Variants in RERE observed in about 807,000 individuals in gnomAD.
RERE encodes arginine-glutamic acid dipeptide repeats protein.
Under a neutral mutation model 146.1 loss-of-function variants are expected in RERE, and 40 were observed. The ratio of observed to expected loss-of-function variants is 0.27; its 90% CI spans 0.21 to 0.36. The LOEUF (loss-of-function observed/expected upper bound fraction) is 0.36, where lower values mean the gene tolerates loss of function less well. Ranked by LOEUF, RERE falls within the 10% of genes least tolerant of loss-of-function variation. RERE has a pLI of 1.00. For synonymous variants in RERE, 1,003 were observed against 866.0 expected (o/e 1.16, Z -2.78); for missense variants, 1,933 against 2,138.7 (o/e 0.90, Z 1.90).
intron 10 of RERE, among the ~76,000 whole-genome samples, chr1:8,494,351 G>C (rs1645015957): frequency 6.6e-6 from 1 of 152,182 alleles, no homozygotes; most frequent in Non-Finnish European, 1.5e-5. Flanking sequence ...ACGGCTTCTA[G>C]ATTCCAATCT....
At chr1:8,428,539 C>T (rs903124120) in intron 11 of RERE, 2 of 152,168 alleles carry the variant, frequency 1.3e-5, no homozygotes, top group Admixed American at 1.3e-4. Context: ...TCAAAAGTTA[C>T]CTACCTACAA....
At chr1:8,362,983 G>A in intron 15 of RERE, 139 bp from the exon 16 acceptor site, 1 of 888,982 alleles carries the variant, frequency 1.1e-6, no homozygotes, top group Non-Finnish European at 1.7e-6. Context: ...CAAACAACAG[G>A]CCGCCCTGCC....
rs1644505483 is a variant in RERE, at chr1:8,460,024, C to T, written c.1203+5901G>A. ...AAATCCACGTAACCATAACTACAAG[C>T]TCTGAGAGCCTCTCTCCCTCTTTGT... On this transcript the variant is annotated intron_variant, in intron 11 of 22. Transcript: ENST00000400908. Among the ~76,000 whole-genome samples, 7 of 152,278 alleles carry T rather than the reference C, an allele frequency of 4.6e-5. No individual in the cohort carries two copies. The South Asian group carries it at 1.5e-3, about 32-fold the overall frequency.
At chr1:8,457,773 G>T (rs531881711) in intron 11 of RERE, among the ~76,000 whole-genome samples, 5 of 152,010 alleles carry the variant, frequency 3.3e-5, no homozygotes, top group African/African-American at 9.7e-5. Context: ...GCTAATTTTT[G>T]TATTTTTAGT....
intron 10 of RERE, among the ~76,000 whole-genome samples, chr1:8,490,714 G>A (rs367983461): frequency 1.3e-5 from 2 of 149,896 alleles, no homozygotes; most frequent in Non-Finnish European, 2.9e-5. Flanking sequence ...AACATTCCGC[G>A]AAATGCAAAC....
chr1:8,422,849 A>T, intron 11 of RERE, 42 bp from the exon 12 acceptor site: 5 of 1,410,054 alleles, frequency 3.5e-6, no homozygotes, highest in Non-Finnish European at 5.0e-6. Flanking sequence ...AACCAAAAAC[A>T]AAACAGGATG....
chr1:8,646,002 A>C (rs1296800719), intron 2 of RERE, among the ~76,000 whole-genome samples: 1 of 152,246 alleles, frequency 6.6e-6, no homozygotes, highest in Non-Finnish European at 1.5e-5. Context: ...AATAAGAACT[A>C]CATTTTCCCA....
intron 22 of RERE, 55 bp from the exon 23 acceptor site, chr1:8,355,175 C>T (rs1889854): frequency 0.21 from 334,577 of 1,591,776 alleles, 37,198 homozygotes; most frequent in Middle Eastern, 0.3. Flanking sequence ...CAGGCAGTCA[C>T]GCAGGCTGGA....
At chr1:8,456,044 A>G (rs771846520) in intron 11 of RERE, among the ~76,000 whole-genome samples, 12 of 152,234 alleles carry the variant, frequency 7.9e-5, no homozygotes, top group Non-Finnish European at 1.6e-4. Context: ...CCAGACATTA[A>G]GAATAATCAC....
chr1:8,363,931 G>A (rs766335073), intron 15 of RERE, 125 bp downstream of exon 15: 2 of 859,440 alleles, frequency 2.3e-6, no homozygotes, highest in Non-Finnish European at 3.6e-6. Context: ...GGGCAAAGCA[G>A]CTCCCCTCCA....
intron 8 of RERE, among the ~76,000 whole-genome samples, chr1:8,503,087 A>AAAAT (rs199506860): frequency 0.14 from 20,574 of 144,488 alleles, 1,568 homozygotes; most frequent in East Asian, 0.26. Context: ...TGATCAATTA[A>AAAAT]AAATAAATAA....
At chr1:8,372,696 C>T (rs904075977) in intron 12 of RERE, among the ~76,000 whole-genome samples, 6 of 152,358 alleles carry the variant, frequency 3.9e-5, no homozygotes, top group Non-Finnish European at 7.3e-5. Flanking sequence ...GCTGGCCTTA[C>T]GGCTATGTTA....
At chr1:8,721,379 T>C (rs1489714099) in intron 1 of RERE, among the ~76,000 whole-genome samples, 1 of 152,150 alleles carries the variant, frequency 6.6e-6, no homozygotes, top group African/African-American at 2.4e-5. Context: ...TGGCCCAACC[T>C]CGGCTCACTG....
intron 12 of RERE, among the ~76,000 whole-genome samples, chr1:8,417,908 A>T (rs1244074869): frequency 1.3e-5 from 2 of 152,114 alleles, no homozygotes; most frequent in East Asian, 1.9e-4. Context: ...CTATGGCTGG[A>T]AAGTTGCTTT....
At chr1:8,559,280 CAAAAAAAA>C (rs548075266) in intron 4 of RERE, among the ~76,000 whole-genome samples, 36 of 12,076 alleles carry the variant, frequency 3.0e-3, no homozygotes, top group Admixed American at 0.014. Context: ...AACTCCAGCT[CAAAAAAAA>C]AAAAAAAAAA....
intron 12 of RERE, among the ~76,000 whole-genome samples, chr1:8,397,292 T>C (rs957465523): frequency 6.7e-6 from 1 of 150,066 alleles, no homozygotes; most frequent in Admixed American, 6.6e-5. Context: ...TAAGTTCAAG[T>C]GCTTAGAACA....
chr1:8,384,835 G>A (rs969001868), intron 12 of RERE, among the ~76,000 whole-genome samples: 2 of 152,228 alleles, frequency 1.3e-5, no homozygotes, highest in Non-Finnish European at 2.9e-5. Context: ...GCAGTGGCAT[G>A]TGACCAGCGT....
At chr1:8,506,676 T>A (rs530482210) in intron 8 of RERE, among the ~76,000 whole-genome samples, 1 of 152,274 alleles carries the variant, frequency 6.6e-6, no homozygotes, top group African/African-American at 2.4e-5. Context: ...GGTTTAGAAA[T>A]AGACACATGA....
chr1:8,482,214 G>A (rs1316564584), intron 10 of RERE, among the ~76,000 whole-genome samples: 5 of 79,440 alleles, frequency 6.3e-5, no homozygotes, highest in Admixed American at 5.4e-4. Flanking sequence ...AACCTAATTG[G>A]ATTGTAAAAG....
Sources: gnomAD v4.1 joint callset for allele counts (sites outside exome capture counted in the v4.1 genomes callset) on GRCh38, gnomAD v4.1.1 for gene constraint, MANE v1.5 for transcripts, NCBI Gene and HGNC (gene_info 2026-07-23, HGNC 2026-07-21) for gene names.